The following MFSD6 variants were observed in gnomAD, a reference collection of about 807,000 sequenced individuals.
MFSD6 encodes the protein major facilitator superfamily domain containing 6, also known as major facilitator superfamily domain-containing protein 6.
A neutral mutation model predicts 56.3 loss-of-function variants in MFSD6; 26 were observed. That is an observed-to-expected ratio of 0.46 (90% confidence interval 0.34 to 0.64). The LOEUF is 0.64. Among genes scored for constraint, MFSD6 ranks in the 30% least tolerant of loss-of-function variants. MFSD6 has a pLI of 0.01. For missense variants in MFSD6, 750 were observed against 986.2 expected (o/e 0.76, Z 3.21); for synonymous variants, 331 against 366.9 (o/e 0.90, Z 1.12).
intron 4 of MFSD6, chr2:190,477,488 T>C: frequency 2.3e-6 from 1 of 427,396 alleles, no homozygotes; most frequent in Non-Finnish European, 3.1e-6. Context: ...TTTCCATAAG[T>C]GACCCAAGAA....
rs776105631 is a variant in MFSD6 at position 190,437,011 on chromosome 2, C to T, written c.982C>T (p.Arg328Cys). 3.7e-6 allele frequency: 6 copies of T among 1,614,188 alleles called. No homozygotes were observed. Among genetic ancestry groups the T allele is most frequent in the East Asian group, 2.2e-5 (1 of 44,882 alleles). ...GKHRDRYGLQ[R>C]MWGSLGWGLA... Reference sequence around the variant, plus strand: ...ACACAGAGATCGCTATGGGTTGCAGCGCATGTGGGGCTCCCTGGGCTGGGG... The same window carrying T: ...ACACAGAGATCGCTATGGGTTGCAGTGCATGTGGGGCTCCCTGGGCTGGGG... Residue 328 changes from arginine (R) to cysteine (C), a missense_variant, in exon 3 of 8, where the codon CGC becomes TGC. Around this residue, in one of 5 missense-constraint regions of MFSD6, gnomAD observed 376 missense variants for 437.9 expected, o/e 0.86. Transcript: ENST00000392328. The surrounding 1 kb of genome is among the most constrained non-coding windows in gnomAD (Gnocchi z 5.9).
At chr2:190,430,929 G>A (rs543792793) in intron 2 of MFSD6, among the ~76,000 whole-genome samples, 4 of 146,956 alleles carry the variant, frequency 2.7e-5, no homozygotes, top group South Asian at 2.2e-4. Flanking sequence ...CCGGGCGGAG[G>A]GGCTCCTCAC....
rs577828016 is a variant in MFSD6 at position 190,462,025 on chromosome 2, C to T, written c.1533-7733C>T. ...ATTAGGAAGTACATAACTCACTATA[C>T]GAACTCAAAATCTACAGAAATATAC... is the stretch of plus-strand genomic sequence containing the variant. On this transcript the variant is annotated intron_variant, in intron 3 of 7. Transcript: ENST00000392328. The surrounding 1 kb of genome is among the most constrained non-coding windows in gnomAD (Gnocchi z 5.7). 5.9e-5 allele frequency among the ~76,000 whole-genome samples: 9 copies of T among 152,110 alleles called. No homozygotes were observed. The South Asian group carries it at 6.2e-4, about 11-fold the overall frequency.
At chr2:190,477,273 C>G (rs1282756381) in intron 4 of MFSD6, 1 of 984,184 alleles carries the variant, frequency 1.0e-6, no homozygotes, top group Non-Finnish European at 1.2e-6. Flanking sequence ...TAATATGCAA[C>G]ACAGTTCTTA....
chr2:190,451,828 A>G lies in MFSD6; in HGVS notation c.1532+14267A>G, dbSNP rs149272122. On this transcript the variant is annotated intron_variant, in intron 3 of 7. Transcript: ENST00000392328. The surrounding 1 kb of genome is among the most constrained non-coding windows in gnomAD (Gnocchi z 5.0). ...ATACTAAGAATTGGAATGTTTTTCT[A>G]AGAGAAGCTGAGTTTTAGCAGGAGG... Among the ~76,000 whole-genome samples, 14 of 152,358 alleles carry G rather than the reference A, an allele frequency of 9.2e-5. No individual in the cohort carries two copies. The South Asian group carries it at 2.5e-3, about 27-fold the overall frequency.
chr2:190,462,392 A>G lies in MFSD6; in HGVS notation c.1533-7366A>G, dbSNP rs1162505162. Reference sequence around the variant, plus strand: ...ATCCCACACAATAAAGAATTGCACCATCCAAAATGACAGTAGCTTGTTGAG... The same window carrying G: ...ATCCCACACAATAAAGAATTGCACCGTCCAAAATGACAGTAGCTTGTTGAG... On this transcript the variant is annotated intron_variant, in intron 3 of 7. Transcript: ENST00000392328. This position sits in a 1 kb window ranked among gnomAD's most constrained non-coding sequence, Gnocchi z 5.7. Among the ~76,000 whole-genome samples, 2 of 152,218 alleles carry G rather than the reference A, an allele frequency of 1.3e-5. No individual in the cohort carries two copies. Among genetic ancestry groups the G allele is most frequent in the African/African-American group, 4.8e-5 (2 of 41,450 alleles).
At chr2:190,464,938 T>C (rs1165448552) in intron 3 of MFSD6, 1 of 981,566 alleles carries the variant, frequency 1.0e-6, no homozygotes, top group East Asian at 1.1e-4. Flanking sequence ...TTTAGCCATA[T>C]TATAGTTGGT....
At chr2:190,452,709 C>T (rs1186041546) in intron 3 of MFSD6, among the ~76,000 whole-genome samples, 26 of 152,162 alleles carry the variant, frequency 1.7e-4, no homozygotes, top group Admixed American at 1.7e-3. Flanking sequence ...TGGTTTCAAC[C>T]ACCCTCCTAT....
chr2:190,458,423 G>T lies in MFSD6; in HGVS notation c.1533-11335G>T, dbSNP rs1687153481. On this transcript the variant is annotated intron_variant, in intron 3 of 7. Transcript: ENST00000392328. The surrounding 1 kb of genome is among the most constrained non-coding windows in gnomAD (Gnocchi z 5.3). ...GACTTGTCTGCAAGCCAACGAGAGG[G>T]GCCCTGGAGAAACCAACATTGCCAA... 6.6e-6 allele frequency among the ~76,000 whole-genome samples: 1 copy of T among 151,902 alleles called. No individual in the cohort carries two copies. Among genetic ancestry groups the T allele is most frequent in the South Asian group, 2.1e-4 (1 of 4,802 alleles).
In MFSD6 at chr2:190,471,755, G is replaced by C. The variant is rs1687947396; in HGVS notation, c.1630+1900G>C. 6.6e-6 allele frequency among the ~76,000 whole-genome samples: 1 copy of C among 152,148 alleles called. No homozygotes were observed. Among genetic ancestry groups the C allele is most frequent in the Non-Finnish European group, 1.5e-5 (1 of 68,038 alleles). On this transcript the variant is annotated intron_variant, in intron 4 of 7. Coordinates refer to ENST00000392328, the MANE Select transcript of MFSD6 (RefSeq NM_017694.4). The surrounding 1 kb of genome is among the most constrained non-coding windows in gnomAD (Gnocchi z 4.7). ...GCTTTGAAGACAGTAGTTCTCCCAG[G>C]ACGCAGCTTGAGATCTGAGAACAGA...
At chr2:190,430,798 G>C (rs866032989) in intron 2 of MFSD6, among the ~76,000 whole-genome samples, 15 of 121,298 alleles carry the variant, frequency 1.2e-4, no homozygotes, top group Admixed American at 3.5e-4. Flanking sequence ...GGGCAGAGGC[G>C]CCCCCCCCAC....
In MFSD6 at chr2:190,501,612, C is replaced by T. The variant is rs906824028; in HGVS notation, c.*1394C>T. 1 of 152,370 alleles carries T rather than the reference C, an allele frequency of 6.6e-6. No individual in the cohort carries two copies. Among genetic ancestry groups the T allele is most frequent in the Admixed American group, 6.5e-5 (1 of 15,278 alleles). The allele number at this position is 152,370 out of a possible 1,614,324, so 9.4% of individuals were successfully genotyped here. ...AGTCGAAATGAGCAACTCACCTTACCCTCTGACCCTGATTAGACAGGATCA... is the reference window on the plus strand; with the variant it reads ...AGTCGAAATGAGCAACTCACCTTACTCTCTGACCCTGATTAGACAGGATCA... On this transcript the variant is annotated 3_prime_UTR_variant, in exon 8 of 8. Transcript: ENST00000392328.
At position 190,490,299 on chromosome 2, in the gene MFSD6, C is replaced by A. The variant is rs968526170; in HGVS notation, c.1891+433C>A. 1.1e-4 allele frequency among the ~76,000 whole-genome samples: 16 copies of A among 150,760 alleles called. No homozygotes were observed. The highest frequency in any genetic ancestry group is 2.2e-4 in the Non-Finnish European group (15 of 67,842). On this transcript the variant is annotated intron_variant, in intron 6 of 7. Transcript: ENST00000392328. This position sits in a 1 kb window ranked among gnomAD's most constrained non-coding sequence, Gnocchi z 4.5. ...AAAACAATGGCCGGGTGCAGTGGCT[C>A]ACGCCTGTAATCCCAACACTTTGGG...
At chr2:190,486,173 A>G (rs561967397) in intron 4 of MFSD6, among the ~76,000 whole-genome samples, 27 of 152,264 alleles carry the variant, frequency 1.8e-4, no homozygotes, top group Non-Finnish European at 3.5e-4. Flanking sequence ...AATACTAACA[A>G]AAGACCTTGT....
In MFSD6 at chr2:190,478,967, A is replaced by G. The variant is rs916656029; in HGVS notation, c.1630+9112A>G. 9.2e-5 allele frequency among the ~76,000 whole-genome samples: 14 copies of G among 152,188 alleles called. 1 individual carries two copies. Among genetic ancestry groups the G allele is most frequent in the Admixed American group, 9.2e-4 (14 of 15,282 alleles). ...AGGGAGGAGACAAAAGATGTGCCTC[A>G]TTCTATAGCCCCCGCTACCCAGCCC... On this transcript the variant is annotated intron_variant, in intron 4 of 7. Coordinates refer to ENST00000392328, the MANE Select transcript of MFSD6 (RefSeq NM_017694.4).
chr2:190,499,154 A>G lies in MFSD6; in HGVS notation c.2173-861A>G, dbSNP rs1689883903. 6.6e-6 allele frequency among the ~76,000 whole-genome samples: 1 copy of G among 152,084 alleles called. No homozygotes were observed. Among genetic ancestry groups the G allele is most frequent in the Non-Finnish European group, 1.5e-5 (1 of 68,042 alleles). On this transcript the variant is annotated intron_variant, in intron 7 of 7. Coordinates refer to ENST00000392328, the MANE Select transcript of MFSD6 (RefSeq NM_017694.4). The surrounding 1 kb of genome is among the most constrained non-coding windows in gnomAD (Gnocchi z 6.0). ...CAGAGTGAGACTCCGTCTCAAAATT[A>G]TAATAACAATAATAAATAAATAAAT... is the stretch of plus-strand genomic sequence containing the variant.
intron 6 of MFSD6, among the ~76,000 whole-genome samples, chr2:190,493,130 A>C (rs1336376135): frequency 1.3e-5 from 2 of 152,086 alleles, no homozygotes; most frequent in Non-Finnish European, 2.9e-5. Flanking sequence ...TGCTGCCTTC[A>C]AGAGACTCGC....
Position 190,463,790 on chromosome 2 carries a change from A to G in MFSD6, c.1533-5968A>G, listed in dbSNP as rs1361118758. On this transcript the variant is annotated intron_variant, in intron 3 of 7. Transcript: ENST00000392328. The surrounding 1 kb of genome is among the most constrained non-coding windows in gnomAD (Gnocchi z 4.4). ...AGCTGTGATGACGCTACTGCACTCC[A>G]GCCTGGGTAACAGAGCAAGACCCTG... The G allele has an allele frequency of 8.6e-6, 7 of 813,996 alleles. No individual in the cohort carries two copies. The highest frequency in any genetic ancestry group is 1.0e-5 in the Non-Finnish European group (7 of 673,576). 50.4% of individuals were successfully genotyped at this position (813,996 alleles called of 1,614,324 possible).
rs1403542311 is a variant in MFSD6, at chr2:190,461,317, G to A, written c.1533-8441G>A. 6.6e-6 allele frequency among the ~76,000 whole-genome samples: 1 copy of A among 152,134 alleles called. No homozygotes were observed. Among genetic ancestry groups the A allele is most frequent in the Non-Finnish European group, 1.5e-5 (1 of 68,022 alleles). On this transcript the variant is annotated intron_variant, in intron 3 of 7. Transcript: ENST00000392328. This position sits in a 1 kb window ranked among gnomAD's most constrained non-coding sequence, Gnocchi z 5.5. ...CATGCACTTGGAAAAACATTCAAAA[G>A]GTATTTAGTAAAGTCTCTCTCCCAC...
Sources: allele counts gnomAD v4.1 joint callset (sites outside exome capture counted in the v4.1 genomes callset), GRCh38; gene constraint gnomAD v4.1.1; regional missense constraint gnomAD v4.1.1; non-coding constraint Gnocchi (gnomAD v3.1); transcripts MANE v1.5; gene names NCBI Gene and HGNC (gene_info 2026-07-23, HGNC 2026-07-21).